HUNK: variants seen among roughly 807,000 people sequenced by gnomAD.
HUNK encodes hormonally up-regulated Neu-associated kinase, also known as hormonally up-regulated neu tumor-associated kinase.
HUNK carries 21 observed loss-of-function variants against 61.0 expected under a neutral mutation model. The observed-to-expected ratio is 0.34, with a 90% CI of 0.24 to 0.50. HUNK has a LOEUF of 0.50. Ranked by LOEUF, HUNK falls within the 20% of genes least tolerant of loss-of-function variation. The pLI, the probability that HUNK is intolerant of heterozygous loss-of-function variation, is 0.98. For missense variants in HUNK, 772 were observed against 945.7 expected (o/e 0.82, Z 2.41); for synonymous variants, 371 against 386.1 (o/e 0.96, Z 0.46).
chr21:31,986,095 C>T (rs998812692), intron 8 of HUNK, among the ~76,000 whole-genome samples: 1 of 152,042 alleles, frequency 6.6e-6, no homozygotes, highest in Non-Finnish European at 1.5e-5. Context: ...GACCCAGATG[C>T]CCCCTGAACT....
chr21:31,935,809 C>A (rs1376150409), intron 2 of HUNK, among the ~76,000 whole-genome samples: 3 of 152,102 alleles, frequency 2.0e-5, no homozygotes, highest in African/African-American at 7.2e-5. Flanking sequence ...TATCTTATCT[C>A]TTTTTTCTTT....
chr21:31,947,434 C>G (rs1198275419), intron 4 of HUNK, among the ~76,000 whole-genome samples: 1 of 152,266 alleles, frequency 6.6e-6, no homozygotes, highest in East Asian at 1.9e-4. Context: ...GAGATCATTT[C>G]TGAGCTCCCT....
At chr21:31,942,679 A>C (rs1350580423) in intron 3 of HUNK, among the ~76,000 whole-genome samples, 3 of 152,144 alleles carry the variant, frequency 2.0e-5, no homozygotes, top group Non-Finnish European at 4.4e-5. Context: ...CTCTGCTGGC[A>C]ATGGCTGGGT....
chr21:31,939,069 A>G (rs2052751167), intron 2 of HUNK, among the ~76,000 whole-genome samples: 1 of 152,180 alleles, frequency 6.6e-6, no homozygotes, highest in South Asian at 2.1e-4. Flanking sequence ...CGCAGACACC[A>G]GAGACACCTC....
intron 1 of HUNK, among the ~76,000 whole-genome samples, chr21:31,902,228 C>T (rs922759777): frequency 5.3e-5 from 8 of 152,106 alleles, no homozygotes; most frequent in African/African-American, 1.2e-4. Flanking sequence ...AAGTTGGCCA[C>T]GGCCGGGCGC....
chr21:31,935,787 G>C (rs1262354774), intron 2 of HUNK, among the ~76,000 whole-genome samples: 4 of 152,224 alleles, frequency 2.6e-5, no homozygotes, highest in African/African-American at 9.6e-5. Context: ...AAGATAAAAA[G>C]ATATTCTGTA....
At chr21:31,882,158 A>G (rs1045972456) in intron 1 of HUNK, among the ~76,000 whole-genome samples, 1 of 151,904 alleles carries the variant, frequency 6.6e-6, no homozygotes, top group Non-Finnish European at 1.5e-5. Context: ...AGTTTGGGAC[A>G]TTCTCATGGA....
At chr21:31,912,948 G>A (rs1641409931) in intron 1 of HUNK, among the ~76,000 whole-genome samples, 1 of 152,186 alleles carries the variant, frequency 6.6e-6, no homozygotes. Context: ...GAAATCTGAG[G>A]GCTGAAGTCG....
intron 1 of HUNK, among the ~76,000 whole-genome samples, chr21:31,899,950 T>C (rs1178294447): frequency 1.3e-5 from 2 of 152,088 alleles, no homozygotes; most frequent in Non-Finnish European, 2.9e-5. Flanking sequence ...GCTAATTTCT[T>C]TTTAAATGGA....
chr21:31,910,643 C>T (rs546479192), intron 1 of HUNK, among the ~76,000 whole-genome samples: 8 of 152,204 alleles, frequency 5.3e-5, no homozygotes, highest in African/African-American at 1.9e-4. Flanking sequence ...CATGCGCCAC[C>T]ACGCCTGACT....
At chr21:31,877,941 G>C (rs927479754) in intron 1 of HUNK, among the ~76,000 whole-genome samples, 4 of 152,164 alleles carry the variant, frequency 2.6e-5, no homozygotes, top group African/African-American at 9.7e-5. Context: ...AATAAGGAAA[G>C]TGACTTACAG....
chr21:31,877,743 G>A (rs1379885218), intron 1 of HUNK, among the ~76,000 whole-genome samples: 1 of 152,290 alleles, frequency 6.6e-6, no homozygotes, highest in East Asian at 1.9e-4. Context: ...CAAAGCTGTT[G>A]AGCAACAGTA....
Position 31,999,084 on chromosome 21 carries a change from C to T in HUNK, c.2045C>T (p.Ser682Phe), listed in dbSNP as rs749848301. The T allele has an allele frequency of 6.2e-7, 1 of 1,614,246 alleles. No homozygotes were observed. The highest frequency in any genetic ancestry group is 1.1e-5 in the South Asian group (1 of 91,082). ...AAGCGCCATCAGAGTCTGCAGCCAT[C>T]TGCAGATAGGCCCCTGGAGGCCAGC... ...LRKRHQSLQP[S>F]ADRPLEASLP... Residue 682 changes from serine (S) to phenylalanine (F), a missense_variant, in exon 11 of 11, where the codon TCT becomes TTT. By Grantham distance (155) the Ser-to-Phe change is radical. Coordinates refer to ENST00000270112, the MANE Select transcript of HUNK (RefSeq NM_014586.2).
chr21:31,924,516 G>C lies in HUNK; in HGVS notation c.310G>C (p.Val104Leu), dbSNP rs778078613. The C allele has an allele frequency of 2.5e-6, 4 of 1,614,146 alleles. No homozygotes were observed. The highest frequency in any genetic ancestry group is 3.4e-6 in the Non-Finnish European group (4 of 1,180,016). The change falls in exon 2 of 11, where the codon GTC (valine) becomes CTC (leucine). Residue 104 changes from valine (V) to leucine (L), a missense_variant. By Grantham distance (32) the Val-to-Leu change is conservative. Transcript: ENST00000270112. The surrounding 1 kb of genome is among the most constrained non-coding windows in gnomAD (Gnocchi z 5.1). ...DKKRAKKDTY[V>L]TKNLRREGQI... ...GAAGAGAGCCAAAAAGGACACCTAT[G>C]TCACCAAAAACCTGCGGCGAGAGGG...
intron 1 of HUNK, among the ~76,000 whole-genome samples, chr21:31,920,534 T>C (rs910849999): frequency 6.6e-6 from 1 of 152,248 alleles, no homozygotes; most frequent in African/African-American, 2.4e-5. Context: ...CAATGCCTAA[T>C]TGTACTTTTC....
intron 1 of HUNK, among the ~76,000 whole-genome samples, chr21:31,907,894 G>A (rs966892825): frequency 4.6e-5 from 7 of 152,098 alleles, no homozygotes; most frequent in Admixed American, 3.9e-4. Context: ...GGAGGCTGAG[G>A]TGGGAGGATC....
In HUNK at chr21:32,001,728, T is replaced by G. The variant is rs1157578917; in HGVS notation, c.*2544T>G. Reference sequence around the variant, plus strand: ...AAAGGAGAAATGTTAGATTCTTTATTATTTTATTATATTTATATGGAAAGC... The same window carrying G: ...AAAGGAGAAATGTTAGATTCTTTATGATTTTATTATATTTATATGGAAAGC... On this transcript the variant is annotated 3_prime_UTR_variant, in exon 11 of 11. Coordinates refer to ENST00000270112, the MANE Select transcript of HUNK (RefSeq NM_014586.2). 6.6e-6 allele frequency: 1 copy of G among 152,552 alleles called. No homozygotes were observed. Among genetic ancestry groups the G allele is most frequent in the Non-Finnish European group, 1.5e-5 (1 of 68,036 alleles). 9.4% of individuals were successfully genotyped at this position (152,552 alleles called of 1,614,324 possible). A position where few individuals can be genotyped will look rare whatever the true frequency, so the allele number is the denominator to read the frequency against.
rs975814921 is a variant in HUNK, at chr21:32,000,597, C to T, written c.*1413C>T. Reference sequence around the variant, plus strand: ...TTACAGAATGGCCTGGAGTCTTCAACTTTTGACCGGTGCAGGTGTGACCAG... The same window carrying T: ...TTACAGAATGGCCTGGAGTCTTCAATTTTTGACCGGTGCAGGTGTGACCAG... On this transcript the variant is annotated 3_prime_UTR_variant, in exon 11 of 11. Transcript: ENST00000270112. 5.0e-6 allele frequency: 2 copies of T among 399,022 alleles called. No homozygotes were observed. Among genetic ancestry groups the T allele is most frequent in the Middle Eastern group, 6.2e-4 (1 of 1,610 alleles). 24.7% of individuals were successfully genotyped at this position (399,022 alleles called of 1,614,324 possible).
chr21:31,976,823 T>C (rs1601406825), intron 7 of HUNK, among the ~76,000 whole-genome samples: 1 of 150,640 alleles, frequency 6.6e-6, no homozygotes, highest in Non-Finnish European at 1.5e-5. Context: ...CAGGCTAGAG[T>C]GCAGTGGCAT....
Sources: gnomAD v4.1 joint callset for allele counts (sites outside exome capture counted in the v4.1 genomes callset) on GRCh38, gnomAD v4.1.1 for gene constraint, Gnocchi (gnomAD v3.1) non-coding constraint, MANE v1.5 for transcripts, NCBI Gene and HGNC (gene_info 2026-07-23, HGNC 2026-07-21) for gene names.